ITCH: variants seen among roughly 807,000 people sequenced by gnomAD.
The protein encoded by ITCH is E3 ubiquitin-protein ligase Itchy homolog.
ITCH carries 28 observed loss-of-function variants against 126.8 expected under a neutral mutation model. That is an observed-to-expected ratio of 0.22 (90% CI 0.16 to 0.30). The LOEUF (loss-of-function observed/expected upper bound fraction) is 0.30, where lower values mean the gene tolerates loss of function less well. Among genes scored for constraint, ITCH ranks in the 10% least tolerant of loss-of-function variants. The probability of loss-of-function intolerance (pLI) is 1.00; values close to 1 mark genes in which losing one functional copy is unlikely to be tolerated. For missense variants in ITCH, 631 were observed against 1,032.4 expected (o/e 0.61, Z 5.33); for synonymous variants, 342 against 340.0 (o/e 1.01, Z -0.06).
chr20:34,414,813 A>C (rs1979599818), intron 6 of ITCH, among the ~76,000 whole-genome samples: 1 of 152,142 alleles, frequency 6.6e-6, no homozygotes, highest in Non-Finnish European at 1.5e-5. Context: ...CCACCCAGCC[A>C]TTACAAGCTG....
intron 2 of ITCH, among the ~76,000 whole-genome samples, chr20:34,390,234 C>T (rs1031267416): frequency 5.3e-5 from 8 of 152,208 alleles, no homozygotes; most frequent in African/African-American, 1.9e-4. Flanking sequence ...GATACTCTGT[C>T]AGTCTTTAAA....
At chr20:34,471,540 T>A in intron 16 of ITCH, 25 bp downstream of exon 16, 1 of 1,438,044 alleles carries the variant, frequency 7.0e-7, no homozygotes, top group Non-Finnish European at 9.8e-7. Flanking sequence ...TCTCAATAAT[T>A]TCCCCCCTGG....
In ITCH at chr20:34,445,368, A is replaced by C. The variant is rs367592506; in HGVS notation, c.1047A>C (p.Thr349=). The change falls in exon 11 of 25, where the codon ACA becomes ACC. Residue 349 remains threonine (T), a synonymous_variant. Coordinates refer to ENST00000374864, the MANE Select transcript of ITCH (RefSeq NM_031483.7). ...GAACAACAACGTGGCAGAGGCCAAC[A>C]CTGGAATCCGTCCGGAACTATGAAC... ...FTRTTTWQRP[T]LESVRNYEQW... is the part of the protein sequence containing the mutation. 1 of 1,613,926 alleles carries C rather than the reference A, an allele frequency of 6.2e-7. No individual in the cohort carries two copies. Among genetic ancestry groups the C allele is most frequent in the Non-Finnish European group, 8.5e-7 (1 of 1,180,032 alleles).
chr20:34,378,592 T>C (rs2037938205), intron 2 of ITCH, among the ~76,000 whole-genome samples: 1 of 151,520 alleles, frequency 6.6e-6, no homozygotes, highest in Non-Finnish European at 1.5e-5. Flanking sequence ...TACAGAAAAT[T>C]GCCTGTCATA....
chr20:34,466,575 A>G (rs1987090353), intron 14 of ITCH, among the ~76,000 whole-genome samples: 1 of 152,172 alleles, frequency 6.6e-6, no homozygotes, highest in Non-Finnish European at 1.5e-5. Flanking sequence ...TTTTAGTTAC[A>G]ATAAGTTTGG....
At chr20:34,364,504 G>A (rs999818414) in intron 1 of ITCH, among the ~76,000 whole-genome samples, 1 of 151,970 alleles carries the variant, frequency 6.6e-6, no homozygotes, top group Non-Finnish European at 1.5e-5. Flanking sequence ...TATCAGTTGA[G>A]GTGAAGTTCT....
Position 34,445,179 on chromosome 20 carries a change from T to G in ITCH, c.966-108T>G, listed in dbSNP as rs983366206. 3.3e-6 allele frequency: 4 copies of G among 1,203,508 alleles called. No homozygotes were observed. The African/African-American group carries it at 6.2e-5, about 19-fold the overall frequency. 74.6% of individuals were successfully genotyped at this position (1,203,508 alleles called of 1,614,324 possible). A position where few individuals can be genotyped will look rare whatever the true frequency, so the allele number is the denominator to read the frequency against. ...CACTTACAAACTATTTAAAAATACA[T>G]AAAAGACTCCAGATAAATCAAAAGT... On this transcript the variant is annotated intron_variant, in intron 10 of 24. Coordinates refer to ENST00000374864, the MANE Select transcript of ITCH (RefSeq NM_031483.7).
chr20:34,413,990 T>C (rs775245321), intron 6 of ITCH, 111 bp downstream of exon 6: 6 of 971,732 alleles, frequency 6.2e-6, no homozygotes, highest in Non-Finnish European at 9.3e-6. Flanking sequence ...ATAAAATGTT[T>C]TTTTCTGGCC....
chr20:34,457,578 C>T (rs1048648912), intron 13 of ITCH, 104 bp downstream of exon 13: 19 of 771,638 alleles, frequency 2.5e-5, no homozygotes, highest in African/African-American at 1.5e-4. Flanking sequence ...AGACCTAAAA[C>T]GTTAATCACC....
rs1489482332 is a variant in ITCH at position 34,511,433 on chromosome 20, T to C, written c.*3639T>C. On this transcript the variant is annotated 3_prime_UTR_variant, in exon 25 of 25. Coordinates refer to ENST00000374864, the MANE Select transcript of ITCH (RefSeq NM_031483.7). ...TATCAGTCTTGGGTAAGGAGGGGTC[T>C]CTTTCCTCTCTCCCCGGCCCCACCT... The C allele has an allele frequency of 6.6e-6, 1 of 152,216 alleles. No homozygotes were observed. The highest frequency in any genetic ancestry group is 1.5e-5 in the Non-Finnish European group (1 of 68,044). 9.4% of individuals were successfully genotyped at this position (152,216 alleles called of 1,614,324 possible). A position where few individuals can be genotyped will look rare whatever the true frequency, so the allele number is the denominator to read the frequency against.
intron 14 of ITCH, among the ~76,000 whole-genome samples, chr20:34,468,994 C>T (rs183194074): frequency 6.6e-6 from 1 of 152,056 alleles, no homozygotes; most frequent in Non-Finnish European, 1.5e-5. Context: ...TGTATTTCTA[C>T]ACTGATATAC....
chr20:34,408,876 G>GT (rs1412899137), intron 4 of ITCH, 84 bp downstream of exon 4: 1,068 of 1,269,590 alleles, frequency 8.4e-4, no homozygotes, highest in South Asian at 9.7e-4. Flanking sequence ...TCTCACTTTG[G>GT]TTTTTTGTTG....
At position 34,485,428 on chromosome 20, in the gene ITCH, C is replaced by T. The variant is rs371609769; in HGVS notation, c.2094-3838C>T. On this transcript the variant is annotated intron_variant, in intron 20 of 24. Coordinates refer to ENST00000374864, the MANE Select transcript of ITCH (RefSeq NM_031483.7). Reference sequence around the variant, plus strand: ...TTGCTTCACGTTCTTGCCAATTCAGCATTGTCAGTAATATCTCGTGGTTTT... The same window carrying T: ...TTGCTTCACGTTCTTGCCAATTCAGTATTGTCAGTAATATCTCGTGGTTTT... 3.4e-3 allele frequency among the ~76,000 whole-genome samples: 512 copies of T among 152,312 alleles called. 1 individual carries two copies. Among genetic ancestry groups the T allele is most frequent in the Non-Finnish European group, 5.3e-3 (361 of 68,026 alleles).
intron 20 of ITCH, among the ~76,000 whole-genome samples, chr20:34,486,629 A>G (rs1177339526): frequency 6.6e-6 from 1 of 150,832 alleles, no homozygotes; most frequent in Non-Finnish European, 1.5e-5. Context: ...CCCAGCCACA[A>G]ATTTTGGAAT....
intron 14 of ITCH, among the ~76,000 whole-genome samples, chr20:34,469,258 CTT>C (rs1987395693): frequency 6.6e-6 from 1 of 151,632 alleles, no homozygotes; most frequent in Non-Finnish European, 1.5e-5. Flanking sequence ...CACTCACACA[CTT>C]TTTAGCTATT....
intron 11 of ITCH, among the ~76,000 whole-genome samples, chr20:34,446,838 T>C (rs1208444168): frequency 6.6e-6 from 1 of 152,216 alleles, no homozygotes; most frequent in Admixed American, 6.5e-5. Flanking sequence ...AGTTACTTTC[T>C]CCATATGACT....
chr20:34,400,625 TAGAA>T (rs371846778), intron 3 of ITCH, among the ~76,000 whole-genome samples: 132 of 148,538 alleles, frequency 8.9e-4, no homozygotes, highest in African/African-American at 3.0e-3. Context: ...TTTAGAAAGT[TAGAA>T]AGAGAAAAAA....
At position 34,471,476 on chromosome 20, in the gene ITCH, A is replaced by G. The variant is rs1987612923; in HGVS notation, c.1530A>G (p.Thr510=). 1 of 1,608,270 alleles carries G rather than the reference A, an allele frequency of 6.2e-7. No individual in the cohort carries two copies. The highest frequency in any genetic ancestry group is 2.2e-5 in the East Asian group (1 of 44,870). The change falls in exon 16 of 25, where the codon ACA becomes ACG. Residue 510 remains threonine, a synonymous_variant. Coordinates refer to ENST00000374864, the MANE Select transcript of ITCH (RefSeq NM_031483.7). ...CCATGCCACAGCACATAAAGATTAC[A>G]GTGACAAGAAAAACATTGTTTGAGG... The part of the protein sequence containing the change: ...QLAMPQHIKI[T]VTRKTLFEDS...
intron 2 of ITCH, among the ~76,000 whole-genome samples, chr20:34,383,566 A>T (rs1292163972): frequency 1.3e-5 from 2 of 151,794 alleles, no homozygotes; most frequent in African/African-American, 4.8e-5. Flanking sequence ...GGGTTTCTCC[A>T]TGTTAGTCAG....
Sources: gnomAD v4.1 joint callset for allele counts (sites outside exome capture counted in the v4.1 genomes callset) on GRCh38, gnomAD v4.1.1 for gene constraint, MANE v1.5 for transcripts, NCBI Gene and HGNC (gene_info 2026-07-23, HGNC 2026-07-21) for gene names.